CUBN: variants seen among roughly 807,000 people sequenced by gnomAD.
CUBN encodes 460 kDa receptor.
A neutral mutation model predicts 405.3 loss-of-function variants in CUBN; 282 were observed. That is an observed-to-expected ratio of 0.70 (90% CI 0.63 to 0.77). CUBN has a LOEUF of 0.77. CUBN is among the 30% of genes least tolerant of loss of function. The pLI is 0.00. For missense variants in CUBN, 4,514 were observed against 4,475.2 expected (o/e 1.01, Z -0.25); for synonymous variants, 1,684 against 1,617.0 (o/e 1.04, Z -0.99).
At chr10:17,069,740 C>T (rs1835695759) in intron 19 of CUBN, among the ~76,000 whole-genome samples, 1 of 152,112 alleles carries the variant, frequency 6.6e-6, no homozygotes, top group Non-Finnish European at 1.5e-5. Flanking sequence ...GATGGGGTCT[C>T]ACTATGTTGC....
intron 22 of CUBN, among the ~76,000 whole-genome samples, chr10:17,058,860 T>C (rs976933345): frequency 2.0e-5 from 3 of 152,170 alleles, no homozygotes; most frequent in African/African-American, 4.8e-5. Flanking sequence ...TGATGCTTAT[T>C]ATTACATCAA....
intron 59 of CUBN, among the ~76,000 whole-genome samples, chr10:16,854,910 TTTCCTTCCTTCC>T (rs200872755): frequency 3.3e-5 from 5 of 150,368 alleles, no homozygotes; most frequent in Non-Finnish European, 7.4e-5. Context: ...TCCTCCCTCC[TTTCCTTCCTTCC>T]TTCCTTCCTT....
At chr10:17,125,609 G>GC (rs1342273002) in intron 4 of CUBN, among the ~76,000 whole-genome samples, 1 of 152,208 alleles carries the variant, frequency 6.6e-6, no homozygotes, top group Non-Finnish European at 1.5e-5. Context: ...GCCTACAGGG[G>GC]CCTAGTAGAA....
In CUBN at chr10:16,940,206, T is replaced by A; in HGVS notation, c.5374A>T (p.Ser1792Cys). Reference protein sequence around the residue: ...SFQLEDSQDCSRDFVEIREGN... With the variant: ...SFQLEDSQDCCRDFVEIREGN... ...TCACGGATCTCCACAAAATCTCTGC[T>A]GCAGTCCTGAGAGTCTTCCAACTGG... The change falls in exon 37 of 67, where the codon AGC becomes TGC. Residue 1792 changes from serine to cysteine, a missense_variant. Ser to Cys is a moderately radical substitution (Grantham distance 112, BLOSUM62 -1). Transcript: ENST00000377833. 1.2e-6 allele frequency: 2 copies of A among 1,614,150 alleles called. No homozygotes were observed. Among genetic ancestry groups the A allele is most frequent in the Non-Finnish European group, 1.7e-6 (2 of 1,179,990 alleles).
At chr10:16,870,319 A>G (rs1471823425) in intron 58 of CUBN, among the ~76,000 whole-genome samples, 1 of 152,244 alleles carries the variant, frequency 6.6e-6, no homozygotes, top group African/African-American at 2.4e-5. Flanking sequence ...CTGCTTTTAG[A>G]ATCACAGCTC....
intron 28 of CUBN, among the ~76,000 whole-genome samples, chr10:17,000,776 C>T (rs1277198649): frequency 6.6e-6 from 1 of 152,236 alleles, no homozygotes; most frequent in African/African-American, 2.4e-5. Flanking sequence ...AGTTTGGACA[C>T]ATCACTTAAC....
rs1487758812 is a variant in CUBN at position 16,918,788 on chromosome 10, G to GT, written c.6833dup (p.Asn2278LysfsTer4). On this transcript the variant is annotated frameshift_variant, in exon 45 of 67. Coordinates refer to ENST00000377833, the MANE Select transcript of CUBN (RefSeq NM_001081.4). LOFTEE classifies it high-confidence loss of function. ...CCACTCCATCCCGCAACTCAAGGTAGTTGGAAGTACAGCTGAAGTGGGAAC... is the reference window on the plus strand; with the variant it reads ...CCACTCCATCCCGCAACTCAAGGTAGTTTGGAAGTACAGCTGAAGTGGGAAC... 1 of 1,613,584 alleles carries GT rather than the reference G, an allele frequency of 6.2e-7. No homozygotes were observed. Among genetic ancestry groups the GT allele is most frequent in the African/African-American group, 1.3e-5 (1 of 74,888 alleles).
intron 28 of CUBN, among the ~76,000 whole-genome samples, chr10:17,013,652 C>T (rs1358725735): frequency 6.6e-6 from 1 of 152,188 alleles, no homozygotes; most frequent in Non-Finnish European, 1.5e-5. Context: ...TTCCATATTG[C>T]AGCACGGGCA....
chr10:17,006,292 T>G (rs990389304), intron 28 of CUBN, among the ~76,000 whole-genome samples: 3 of 152,194 alleles, frequency 2.0e-5, no homozygotes, highest in Non-Finnish European at 4.4e-5. Flanking sequence ...TAAATAATCA[T>G]GTAATTAACA....
At chr10:16,841,575 CCT>C (rs1839349843) in intron 60 of CUBN, among the ~76,000 whole-genome samples, 1 of 152,162 alleles carries the variant, frequency 6.6e-6, no homozygotes, top group African/African-American at 2.4e-5. Context: ...CTCTCCCACC[CCT>C]GACCTTTCTA....
intron 39 of CUBN, among the ~76,000 whole-genome samples, chr10:16,935,431 G>C (rs1264486537): frequency 6.6e-6 from 1 of 152,148 alleles, no homozygotes; most frequent in Non-Finnish European, 1.5e-5. Context: ...TGGGATTATA[G>C]GCATGAGCCA....
rs45569534 is a variant in CUBN, at chr10:16,888,420, C to G, written c.8902G>C (p.Glu2968Gln). ...TTTTTTAAAAGAATAAACTTACCTT[C>G]TAAGTGGAAGGACACAAAAGTCAAG... Reference protein sequence around the residue: ...VLLTFVSFHLEARSAVTGSCV... With the variant: ...VLLTFVSFHLQARSAVTGSCV... The change falls in exon 56 of 67, where the codon GAA becomes CAA. Residue 2968 changes from glutamate to glutamine, a missense_variant. Glu to Gln is a conservative substitution (Grantham distance 29). Coordinates refer to ENST00000377833, the MANE Select transcript of CUBN (RefSeq NM_001081.4). 0.019 allele frequency: 31,351 copies of G among 1,612,224 alleles called. 381 individuals are homozygous for G. Among genetic ancestry groups the G allele is most frequent in the Non-Finnish European group, 0.023 (27,387 of 1,178,458 alleles).
chr10:17,074,570 C>A (rs1449049444), intron 17 of CUBN, among the ~76,000 whole-genome samples: 1 of 152,172 alleles, frequency 6.6e-6, no homozygotes, highest in South Asian at 2.1e-4. Flanking sequence ...TCCAGGATTA[C>A]AAGTAGAGTG....
At chr10:16,983,947 G>A (rs954001808) in intron 30 of CUBN, among the ~76,000 whole-genome samples, 158 bp downstream of exon 30, 5 of 152,156 alleles carry the variant, frequency 3.3e-5, no homozygotes, top group African/African-American at 1.2e-4. Flanking sequence ...ACTTTATCAC[G>A]TATTTTAGGG....
At chr10:16,843,555 A>G (rs1037991642) in intron 60 of CUBN, among the ~76,000 whole-genome samples, 8 of 152,228 alleles carry the variant, frequency 5.3e-5, no homozygotes, top group Non-Finnish European at 2.9e-5. Flanking sequence ...TGTTTCATGG[A>G]AGAGCACATT....
In CUBN at chr10:16,840,383, G is replaced by A. The variant is rs767420394; in HGVS notation, c.9979C>T (p.Leu3327=). The A allele has an allele frequency of 6.2e-7, 1 of 1,614,170 alleles. No homozygotes were observed. The highest frequency in any genetic ancestry group is 1.1e-5 in the South Asian group (1 of 91,082). ...QVKITVWALQ[L]TSQDCTQNYL... ...TTCTGCGTGCAGTCTTGCGAGGTCA[G>A]CTGTAATGCCCACACAGTTATCTTG... is the stretch of plus-strand genomic sequence containing the variant. Residue 3327 remains leucine, a synonymous_variant, in exon 62 of 67, where the codon CTG becomes TTG. Transcript: ENST00000377833.
At chr10:16,834,797 T>C (rs577364571) in intron 64 of CUBN, among the ~76,000 whole-genome samples, 1 of 152,332 alleles carries the variant, frequency 6.6e-6, no homozygotes, top group Admixed American at 6.5e-5. Context: ...CTGTCCTTCC[T>C]GCCAGACTAG....
chr10:17,122,280 G>C (rs1254362857), intron 6 of CUBN: 3 of 219,586 alleles, frequency 1.4e-5, no homozygotes, highest in Non-Finnish European at 2.7e-5. Flanking sequence ...TGTGGTCAGA[G>C]AGAGTTACTT....
chr10:16,857,897 T>C lies in CUBN; in HGVS notation c.9455-6454A>G, dbSNP rs181066822. Among the ~76,000 whole-genome samples the C allele has an allele frequency of 1.6e-4, 25 of 152,306 alleles. 1 individual carries two copies. In the East Asian group the frequency reaches 4.4e-3, roughly 27 times the overall value. ...AATTTCCACTTTTGCAAGTAACTAT[T>C]AGCTGCAGAAAATCCCAAGTAATAT... On this transcript the variant is annotated intron_variant, in intron 59 of 66. Coordinates refer to ENST00000377833, the MANE Select transcript of CUBN (RefSeq NM_001081.4).
Sources: gnomAD v4.1 joint callset for allele counts (sites outside exome capture counted in the v4.1 genomes callset) on GRCh38, gnomAD v4.1.1 for gene constraint, MANE v1.5 for transcripts, NCBI Gene and HGNC (gene_info 2026-07-23, HGNC 2026-07-21) for gene names.